Variants in PCDHA9 observed in about 807,000 individuals in gnomAD.
PCDHA9 encodes protocadherin alpha-9.
Under a neutral mutation model 62.0 loss-of-function variants are expected in PCDHA9, and 62 were observed. The ratio of observed to expected loss-of-function variants is 1.00; its 90% confidence interval spans 0.81 to 1.23. The LOEUF (loss-of-function observed/expected upper bound fraction) is 1.23. PCDHA9 is among the 50% of genes most tolerant of loss of function. The pLI is 0.00. For missense variants in PCDHA9, 1,205 were observed against 1,249.8 expected, an observed-to-expected ratio of 0.96 and a Z score of 0.54; for synonymous variants, 557 against 567.6, an observed-to-expected ratio of 0.98 and a Z score of 0.27.
intron 1 of PCDHA9, among the ~76,000 whole-genome samples, chr5:140,964,317 G>A (rs1042787994): frequency 2.0e-5 from 3 of 152,218 alleles, no homozygotes; most frequent in Non-Finnish European, 4.4e-5. Context: ...GCCTAAAACA[G>A]CATAATGGAC....
In PCDHA9 at chr5:140,857,002, T is replaced by G. The variant is rs1215860604; in HGVS notation, c.2394+6113T>G. On this transcript the variant is annotated intron_variant, in intron 1 of 3. Transcript: ENST00000532602. ...AGGACAGTAACACTTATGAAATTCATGTAGATGTTACAGATAAGGGAAACC... is the reference window on the plus strand; with the variant it reads ...AGGACAGTAACACTTATGAAATTCAGGTAGATGTTACAGATAAGGGAAACC... 4 of 1,595,276 alleles carry G rather than the reference T, an allele frequency of 2.5e-6. No individual in the cohort carries two copies. In the African/African-American group the frequency reaches 5.4e-5, roughly 22 times the overall value.
rs1554231011 is a variant in PCDHA9 at position 140,968,738 on chromosome 5, C to G, written c.2395-10211C>G. 10 of 1,614,040 alleles carry G rather than the reference C, an allele frequency of 6.2e-6. No individual in the cohort carries two copies. The Admixed American group carries it at 6.7e-5, about 11-fold the overall frequency. On this transcript the variant is annotated intron_variant, in intron 1 of 3. Transcript: ENST00000532602. ...AGATGAGAGTGGTAGCACTTTCAAC[C>G]TGACCGTGGTGGTCCGAGATAATGG...
chr5:140,913,447 C>T (rs1445715185), intron 1 of PCDHA9, among the ~76,000 whole-genome samples: 5 of 152,022 alleles, frequency 3.3e-5, no homozygotes, highest in African/African-American at 9.7e-5. Context: ...TTTTCAGCTC[C>T]GATTTTATTT....
At position 140,848,643 on chromosome 5, in the gene PCDHA9, C is replaced by T; in HGVS notation, c.148C>T (p.Gln50Ter). 6.3e-7 allele frequency: 1 copy of T among 1,593,248 alleles called. No individual in the cohort carries two copies. Among genetic ancestry groups the T allele is most frequent in the East Asian group, 2.2e-5 (1 of 44,832 alleles). ...EHGTFVGRIAQDLGLELAELV... is the reference protein window; with the variant it reads ...EHGTFVGRIA Reference sequence around the variant, plus strand: ...CGGCACCTTCGTGGGCCGCATCGCGCAGGACCTGGGGCTGGAGCTGGCGGA... The same window carrying T: ...CGGCACCTTCGTGGGCCGCATCGCGTAGGACCTGGGGCTGGAGCTGGCGGA... The change falls in exon 1 of 4, where the codon CAG (glutamine) becomes TAG (stop). Residue 50 changes from glutamine to a stop codon, truncating the protein, a stop_gained. Transcript: ENST00000532602. LOFTEE classifies it high-confidence loss of function.
intron 1 of PCDHA9, chr5:140,869,477 A>T: frequency 1.2e-6 from 2 of 1,614,208 alleles, no homozygotes; most frequent in African/African-American, 2.7e-5. Context: ...GAGGTGAAGG[A>T]CATTAACGAC....
chr5:140,850,992 G>T, intron 1 of PCDHA9, 103 bp downstream of exon 1: 1 of 1,444,816 alleles, frequency 6.9e-7, no homozygotes, highest in Non-Finnish European at 9.2e-7. Context: ...CATTTTTCTA[G>T]AAATCCAGCA....
chr5:140,974,701 A>G (rs1299087234), intron 1 of PCDHA9, among the ~76,000 whole-genome samples: 2 of 152,012 alleles, frequency 1.3e-5, no homozygotes, highest in Non-Finnish European at 2.9e-5. Flanking sequence ...GGGTTTCACC[A>G]TGTTGTTCAA....
chr5:140,964,949 G>A (rs1322269042), intron 1 of PCDHA9, among the ~76,000 whole-genome samples: 1 of 152,226 alleles, frequency 6.6e-6, no homozygotes, highest in Non-Finnish European at 1.5e-5. Flanking sequence ...TAGTGAGTGT[G>A]CTTGGTTGGT....
At chr5:140,984,680 AT>A (rs1180119303) in intron 3 of PCDHA9, among the ~76,000 whole-genome samples, 1 of 152,158 alleles carries the variant, frequency 6.6e-6, no homozygotes, top group East Asian at 1.9e-4. Context: ...TTAGGACTCA[AT>A]ATATGTTCTG....
chr5:140,877,868 T>A, intron 1 of PCDHA9: 1 of 1,488,916 alleles, frequency 6.7e-7, no homozygotes, highest in Non-Finnish European at 8.9e-7. Context: ...TTAGATATAT[T>A]TGTTTCCTTG....
chr5:140,969,249 A>G (rs1586364972), intron 1 of PCDHA9: 1 of 1,614,240 alleles, frequency 6.2e-7, no homozygotes, highest in Admixed American at 1.7e-5. Flanking sequence ...GCAGTGACTG[A>G]CAGCAGGAAT....
In PCDHA9 at chr5:140,856,281, T is replaced by C. The variant is rs782635462; in HGVS notation, c.2394+5392T>C. On this transcript the variant is annotated intron_variant, in intron 1 of 3. Transcript: ENST00000532602. The stretch of plus-strand genomic sequence containing the variant: ...CACGGGGACCTTCTGGAGGTAAATC[T>C]GCAGAATGGCATTTTGTTTGTGAAT... 8.1e-6 allele frequency: 13 copies of C among 1,598,288 alleles called. 1 individual carries two copies. Among genetic ancestry groups the C allele is most frequent in the Non-Finnish European group, 1.1e-5 (13 of 1,168,008 alleles).
rs563178599 is a variant in PCDHA9, at chr5:140,863,384, C to G, written c.2394+12495C>G. The G allele has an allele frequency of 5.4e-5, 56 of 1,044,914 alleles. No homozygotes were observed. In the South Asian group the frequency reaches 6.5e-4, roughly 12 times the overall value. The allele number at this position is 1,044,914 out of a possible 1,614,324, so 64.7% of individuals were successfully genotyped here. On this transcript the variant is annotated intron_variant, in intron 1 of 3. Coordinates refer to ENST00000532602, the MANE Select transcript of PCDHA9 (RefSeq NM_031857.2). ...TGCTTGGCGCAGCTCACCGAGAGCT[C>G]GTGCATGCCGGGCAAGCCCACGCTG... is the stretch of plus-strand genomic sequence containing the variant.
chr5:141,001,126 C>A (rs2097993222), intron 3 of PCDHA9, among the ~76,000 whole-genome samples: 1 of 151,970 alleles, frequency 6.6e-6, no homozygotes, highest in African/African-American at 2.4e-5. Context: ...AGTCCTTAAA[C>A]AAATGAATCT....
chr5:140,976,507 C>T (rs868949957), intron 1 of PCDHA9, among the ~76,000 whole-genome samples: 2 of 151,968 alleles, frequency 1.3e-5, no homozygotes, highest in African/African-American at 4.8e-5. Context: ...GCCAAGATCG[C>T]GCCACTGCAC....
intron 1 of PCDHA9, among the ~76,000 whole-genome samples, chr5:140,963,794 A>G (rs2095791576): frequency 6.6e-6 from 1 of 152,248 alleles, no homozygotes; most frequent in Non-Finnish European, 1.5e-5. Flanking sequence ...ACAATAATGT[A>G]CTTAACTAGT....
intron 1 of PCDHA9, chr5:140,859,924 T>C (rs1554152837): frequency 6.6e-6 from 1 of 151,964 alleles, no homozygotes; most frequent in African/African-American, 2.4e-5. Flanking sequence ...ATAAGTAATA[T>C]AAAAAACTTA....
chr5:140,913,398 AT>A (rs1172885484), intron 1 of PCDHA9, among the ~76,000 whole-genome samples: 5 of 152,132 alleles, frequency 3.3e-5, no homozygotes, highest in Non-Finnish European at 7.4e-5. Flanking sequence ...GCCACTAATG[AT>A]CCTTTGAATT....
rs782035990 is a variant in PCDHA9 at position 140,871,124 on chromosome 5, C to A, written c.2394+20235C>A. 142 of 1,613,206 alleles carry A rather than the reference C, an allele frequency of 8.8e-5. No individual in the cohort carries two copies. The highest frequency in any genetic ancestry group is 1.2e-4 in the Non-Finnish European group (138 of 1,179,888). Reference sequence around the variant, plus strand: ...GTGTCGTTGGTGGAGAGCGGACAGGCGCCAAAGGCCTCTTCCCGGACTTTG... The same window carrying A: ...GTGTCGTTGGTGGAGAGCGGACAGGAGCCAAAGGCCTCTTCCCGGACTTTG... On this transcript the variant is annotated intron_variant, in intron 1 of 3. Coordinates refer to ENST00000532602, the MANE Select transcript of PCDHA9 (RefSeq NM_031857.2).
Sources: gnomAD v4.1 joint callset for allele counts (sites outside exome capture counted in the v4.1 genomes callset) on GRCh38, gnomAD v4.1.1 for gene constraint, MANE v1.5 for transcripts, NCBI Gene and HGNC (gene_info 2026-07-23, HGNC 2026-07-21) for gene names.